The following RBFOX1 variants were observed in gnomAD, a reference collection of about 807,000 sequenced individuals.
RBFOX1 encodes RNA binding protein fox-1 homolog 1.
In RBFOX1, 8 loss-of-function variants were observed where a neutral mutation model predicts 57.7. The ratio of observed to expected loss-of-function variants is 0.14; its 90% CI spans 0.08 to 0.25. RBFOX1 has a LOEUF of 0.25. Among genes scored for constraint, RBFOX1 ranks in the 10% least tolerant of loss-of-function variants. The probability of loss-of-function intolerance (pLI) is 1.00; values close to 1 mark genes in which losing one functional copy is unlikely to be tolerated. For synonymous variants in RBFOX1, 326 were observed against 222.4 expected (o/e 1.47, Z -4.15); for missense variants, 611 against 548.5 (o/e 1.11, Z -1.14).
chr16:7,027,557 C>G (rs539798229), intron 3 of RBFOX1, among the ~76,000 whole-genome samples: 4 of 151,950 alleles, frequency 2.6e-5, no homozygotes, highest in Non-Finnish European at 5.9e-5. Context: ...TGTGGTTTCT[C>G]TTAGTCTTAG....
chr16:6,977,905 A>G (rs1168479850), intron 3 of RBFOX1, among the ~76,000 whole-genome samples: 2 of 144,098 alleles, frequency 1.4e-5, no homozygotes, highest in African/African-American at 2.7e-5. Flanking sequence ...GGGAGATCCC[A>G]AGAGGAAACT....
intron 3 of RBFOX1, among the ~76,000 whole-genome samples, chr16:5,758,152 A>C (rs1253666365): frequency 6.6e-6 from 1 of 152,212 alleles, no homozygotes; most frequent in Non-Finnish European, 1.5e-5. Context: ...GAAAGACTCC[A>C]CTAATTAGCG....
intron 4 of RBFOX1, among the ~76,000 whole-genome samples, chr16:7,113,714 C>T (rs1677809796): frequency 6.6e-6 from 1 of 152,010 alleles, no homozygotes; most frequent in South Asian, 2.1e-4. Flanking sequence ...CTATTTTGTT[C>T]TTTGCAAGGC....
chr16:7,184,555 G>T (rs1475513829), intron 4 of RBFOX1, among the ~76,000 whole-genome samples: 1 of 152,162 alleles, frequency 6.6e-6, no homozygotes, highest in Non-Finnish European at 1.5e-5. Context: ...ATGACATATT[G>T]GCTGTGCCTT....
chr16:6,988,745 TTG>T lies in RBFOX1; in HGVS notation c.-15-63310_-15-63309del, dbSNP rs757537878. 7.1e-4 allele frequency among the ~76,000 whole-genome samples: 39 copies of T among 55,234 alleles called. 1 individual carries two copies. The highest frequency in any genetic ancestry group is 0.016 in the Middle Eastern group (1 of 64). 36.2% of individuals were successfully genotyped at this position (55,234 alleles called of 152,430 possible). Reference sequence around the variant, plus strand: ...ACACCCAGCTAATTTTTTTTTTTGTTTGTTTGTTTTTTGTTTTTTGTTTTTTG... The same window carrying T: ...ACACCCAGCTAATTTTTTTTTTTGTTTTTGTTTTTTGTTTTTTGTTTTTTG... On this transcript the variant is annotated intron_variant, in intron 3 of 15. Transcript: ENST00000550418.
intron 1 of RBFOX1, among the ~76,000 whole-genome samples, chr16:6,178,274 TC>T (rs576947196): frequency 6.8e-6 from 1 of 147,156 alleles, no homozygotes; most frequent in Non-Finnish European, 1.5e-5. Context: ...GCAACCTCTG[TC>T]TCCCAGGTTC....
chr16:6,303,492 G>A (rs578140418), intron 1 of RBFOX1, among the ~76,000 whole-genome samples: 4 of 152,144 alleles, frequency 2.6e-5, no homozygotes, highest in African/African-American at 9.7e-5. Flanking sequence ...GTTCTCAGTG[G>A]TGTAAATAAA....
At chr16:7,350,224 C>T (rs2097102841) in intron 4 of RBFOX1, among the ~76,000 whole-genome samples, 1 of 152,066 alleles carries the variant, frequency 6.6e-6, no homozygotes, top group Non-Finnish European at 1.5e-5. Context: ...AATTAGAGCT[C>T]AGATCTGATT....
chr16:5,331,875 G>C (rs550669930), intron 1 of RBFOX1, among the ~76,000 whole-genome samples: 11 of 152,306 alleles, frequency 7.2e-5, no homozygotes, highest in Non-Finnish European at 1.3e-4. Context: ...GTGTTCCAGT[G>C]GGGTCTGCAT....
At chr16:6,390,711 G>A (rs965320307) in intron 2 of RBFOX1, among the ~76,000 whole-genome samples, 5 of 152,188 alleles carry the variant, frequency 3.3e-5, no homozygotes, top group African/African-American at 1.2e-4. Context: ...CTACCCTTAA[G>A]TTGAAATCTG....
At chr16:6,757,271 T>G (rs1393888428) in intron 3 of RBFOX1, among the ~76,000 whole-genome samples, 1 of 151,976 alleles carries the variant, frequency 6.6e-6, no homozygotes, top group East Asian at 1.9e-4. Flanking sequence ...AGAACTACCA[T>G]AAAATCCAGC....
At chr16:6,105,092 C>G (rs556603262) in intron 1 of RBFOX1, among the ~76,000 whole-genome samples, 98 of 152,290 alleles carry the variant, frequency 6.4e-4, no homozygotes, top group African/African-American at 2.3e-3. Context: ...GAGATGGTGA[C>G]TTTGCCAGAG....
intron 2 of RBFOX1, among the ~76,000 whole-genome samples, chr16:6,338,167 C>A (rs1278923400): frequency 6.6e-6 from 1 of 152,080 alleles, no homozygotes; most frequent in Non-Finnish European, 1.5e-5. Context: ...CTTCATTTTC[C>A]ATTAAGTATT....
intron 12 of RBFOX1, among the ~76,000 whole-genome samples, chr16:7,658,341 T>C (rs1331076243): frequency 2.0e-5 from 3 of 152,158 alleles, no homozygotes; most frequent in African/African-American, 4.8e-5. Context: ...GGCACTTGCA[T>C]TGCTTATGGA....
At chr16:5,252,448 G>A (rs1275623151) in intron 1 of RBFOX1, among the ~76,000 whole-genome samples, 1 of 152,236 alleles carries the variant, frequency 6.6e-6, no homozygotes, top group African/African-American at 2.4e-5. Flanking sequence ...ACGTATGAGA[G>A]TTCCGTGTGG....
intron 3 of RBFOX1, among the ~76,000 whole-genome samples, chr16:6,864,886 G>C (rs184569413): frequency 0.012 from 1,822 of 151,788 alleles, 13 homozygotes; most frequent in Non-Finnish European, 0.02. Flanking sequence ...ATCAAAACAA[G>C]AGGGGCGTTT....
intron 1 of RBFOX1, among the ~76,000 whole-genome samples, chr16:6,211,258 T>C (rs1475610264): frequency 1.4e-5 from 2 of 139,074 alleles, no homozygotes; most frequent in East Asian, 4.2e-4. Context: ...GGATGGAGTC[T>C]CGCTTTGTCG....
At chr16:5,701,233 G>A (rs1185006149) in intron 3 of RBFOX1, among the ~76,000 whole-genome samples, 1 of 152,154 alleles carries the variant, frequency 6.6e-6, no homozygotes, top group Non-Finnish European at 1.5e-5. Context: ...TTTCAGCTTT[G>A]GAGACTGTTT....
At chr16:6,482,836 C>T (rs2095393532) in intron 2 of RBFOX1, among the ~76,000 whole-genome samples, 1 of 152,146 alleles carries the variant, frequency 6.6e-6, no homozygotes, top group South Asian at 2.1e-4. Flanking sequence ...AATACTGTCC[C>T]GTGGACATTC....
Sources: allele counts gnomAD v4.1 joint callset (sites outside exome capture counted in the v4.1 genomes callset), GRCh38; gene constraint gnomAD v4.1.1; transcripts MANE v1.5; gene names NCBI Gene and HGNC (gene_info 2026-07-23, HGNC 2026-07-21).